The following CALCRL variants were observed in gnomAD, a reference collection of about 807,000 sequenced individuals.
The protein encoded by CALCRL is calcitonin receptor like receptor.
In CALCRL, 27 loss-of-function variants were observed where a neutral mutation model predicts 60.4. The observed-to-expected ratio is 0.45, with a 90% CI of 0.33 to 0.62. CALCRL has a LOEUF of 0.62. CALCRL is among the 20% of genes least tolerant of loss of function. The pLI, the probability that CALCRL is intolerant of heterozygous loss-of-function variation, is 0.03. For missense variants in CALCRL, 424 were observed against 540.7 expected (o/e 0.78, Z 2.14); for synonymous variants, 190 against 182.6 (o/e 1.04, Z -0.33).
chr2:187,389,112 C>T (rs1688327522), intron 1 of CALCRL, among the ~76,000 whole-genome samples: 2 of 145,930 alleles, frequency 1.4e-5, no homozygotes, highest in African/African-American at 5.1e-5. Context: ...TCGCTCTGTA[C>T]CCCAAGCTGG....
chr2:187,446,396 T>G (rs1253478084), intron 1 of CALCRL, among the ~76,000 whole-genome samples: 2 of 151,648 alleles, frequency 1.3e-5, no homozygotes, highest in East Asian at 3.9e-4. Flanking sequence ...AAAGTATTTT[T>G]GGAAAACAAA....
chr2:187,400,556 T>A (rs1397181261), intron 1 of CALCRL, among the ~76,000 whole-genome samples: 1 of 151,444 alleles, frequency 6.6e-6, no homozygotes. Context: ...TAAAGACAGA[T>A]ATCCAAACAA....
chr2:187,365,081 A>G (rs1172235554), intron 8 of CALCRL, among the ~76,000 whole-genome samples: 1 of 152,182 alleles, frequency 6.6e-6, no homozygotes, highest in Non-Finnish European at 1.5e-5. Context: ...GAAACTTTTG[A>G]ACAAAGGAGT....
chr2:187,422,893 T>C (rs1307138598), intron 1 of CALCRL, among the ~76,000 whole-genome samples: 1 of 151,974 alleles, frequency 6.6e-6, no homozygotes, highest in Non-Finnish European at 1.5e-5. Context: ...GGGGGGTATA[T>C]TAAAAAGATA....
At chr2:187,396,021 T>TTTTGTTGTTGTTG (rs796644471) in intron 1 of CALCRL, among the ~76,000 whole-genome samples, 4 of 63,766 alleles carry the variant, frequency 6.3e-5, no homozygotes, top group Non-Finnish European at 1.2e-4. Flanking sequence ...CCTGACACTG[T>TTTTGTTGTTGTTG]TTGTTGTTGT....
intron 8 of CALCRL, among the ~76,000 whole-genome samples, chr2:187,377,146 T>TA (rs747536907): frequency 9.9e-5 from 15 of 152,250 alleles, no homozygotes; most frequent in Non-Finnish European, 1.8e-4. Flanking sequence ...ATGGAAAATC[T>TA]AAAAATTTTA....
intron 5 of CALCRL, 101 bp from the exon 6 acceptor site, chr2:187,380,888 T>G (rs1310625891): frequency 1.4e-6 from 1 of 729,476 alleles, no homozygotes; most frequent in African/African-American, 1.8e-5. Context: ...GTAAAGGCTA[T>G]CTACTGAAAA....
At chr2:187,372,667 T>C (rs747503939) in intron 8 of CALCRL, among the ~76,000 whole-genome samples, 9 of 152,096 alleles carry the variant, frequency 5.9e-5, no homozygotes, top group Non-Finnish European at 1.3e-4. Flanking sequence ...TGACCCTCAA[T>C]TACCAAAGAA....
At chr2:187,408,843 T>A (rs987243422) in intron 1 of CALCRL, among the ~76,000 whole-genome samples, 19 of 152,260 alleles carry the variant, frequency 1.2e-4, no homozygotes, top group Non-Finnish European at 2.9e-5. Context: ...TGCAGTTTTT[T>A]AATCATTTTT....
At chr2:187,438,875 A>T (rs1214651303) in intron 1 of CALCRL, among the ~76,000 whole-genome samples, 2 of 152,158 alleles carry the variant, frequency 1.3e-5, no homozygotes, top group Non-Finnish European at 2.9e-5. Flanking sequence ...AAGTAAGAAT[A>T]AAAAAATGAA....
At chr2:187,435,897 T>C (rs1042272255) in intron 1 of CALCRL, among the ~76,000 whole-genome samples, 1 of 151,730 alleles carries the variant, frequency 6.6e-6, no homozygotes, top group African/African-American at 2.4e-5. Context: ...TGTGTGTGTA[T>C]TTACCCCTGA....
At chr2:187,377,323 A>G (rs2105772374) in intron 8 of CALCRL, among the ~76,000 whole-genome samples, 1 of 152,224 alleles carries the variant, frequency 6.6e-6, no homozygotes, top group East Asian at 1.9e-4. Flanking sequence ...AATAGATTAG[A>G]AGGGTTTCAA....
At chr2:187,424,886 G>A (rs1040679657) in intron 1 of CALCRL, among the ~76,000 whole-genome samples, 5 of 151,784 alleles carry the variant, frequency 3.3e-5, no homozygotes, top group Non-Finnish European at 5.9e-5. Flanking sequence ...GGAAGGCCTG[G>A]GAGACAAAAT....
chr2:187,436,238 A>T (rs1690638668), intron 1 of CALCRL, among the ~76,000 whole-genome samples: 1 of 152,142 alleles, frequency 6.6e-6, no homozygotes, highest in African/African-American at 2.4e-5. Flanking sequence ...CAGAAAAGAG[A>T]ACACTATGTC....
intron 12 of CALCRL, among the ~76,000 whole-genome samples, chr2:187,358,528 C>CCA (rs1215117076): frequency 1.3e-5 from 2 of 149,936 alleles, no homozygotes; most frequent in African/African-American, 4.9e-5. Context: ...CCCACCCCCC[C>CCA]CTGCTAGATT....
intron 12 of CALCRL, among the ~76,000 whole-genome samples, chr2:187,353,706 C>G (rs1245522451): frequency 1.3e-5 from 2 of 151,858 alleles, no homozygotes; most frequent in African/African-American, 4.8e-5. Flanking sequence ...AGCTGTTATT[C>G]CACTCATCCT....
intron 1 of CALCRL, among the ~76,000 whole-genome samples, chr2:187,425,524 C>T (rs1160723513): frequency 6.6e-6 from 1 of 151,850 alleles, no homozygotes; most frequent in Non-Finnish European, 1.5e-5. Flanking sequence ...TATTCTAGAT[C>T]CAATTTTTCC....
chr2:187,444,500 A>T (rs1574336143), intron 1 of CALCRL, among the ~76,000 whole-genome samples: 1 of 151,582 alleles, frequency 6.6e-6, no homozygotes, highest in Non-Finnish European at 1.5e-5. Flanking sequence ...AAAAGTAAAT[A>T]CACTATTTGG....
In CALCRL at chr2:187,346,159, CAGTG is replaced by C; in HGVS notation, c.*21_*24del. 2 of 1,463,138 alleles carry C rather than the reference CAGTG, an allele frequency of 1.4e-6. No individual in the cohort carries two copies. The highest frequency in any genetic ancestry group is 1.9e-6 in the Non-Finnish European group (2 of 1,059,144). 90.6% of individuals were successfully genotyped at this position (1,463,138 alleles called of 1,614,324 possible). ...TCCTTGAGTTAGGAGAAGCACAAAA[CAGTG>C]AGACAACCATCCTTCTATTTTCAAT... On this transcript the variant is annotated 3_prime_UTR_variant, in exon 15 of 15. Transcript: ENST00000392370.
Sources: allele counts gnomAD v4.1 joint callset (sites outside exome capture counted in the v4.1 genomes callset), GRCh38; gene constraint gnomAD v4.1.1; transcripts MANE v1.5; gene names NCBI Gene and HGNC (gene_info 2026-07-23, HGNC 2026-07-21).